The following ATF7IP variants were observed in gnomAD, a reference collection of about 807,000 sequenced individuals.
ATF7IP encodes the protein activating transcription factor 7-interacting protein 1.
A neutral mutation model predicts 106.4 loss-of-function variants in ATF7IP; 23 were observed. The observed-to-expected ratio is 0.22, with a 90% CI of 0.16 to 0.31. The LOEUF is 0.31. ATF7IP is among the 10% of genes least tolerant of loss of function. ATF7IP has a pLI of 1.00. For missense variants in ATF7IP, 1,334 were observed against 1,524.3 expected (o/e 0.88, Z 2.08); for synonymous variants, 542 against 539.0 (o/e 1.01, Z -0.08).
At chr12:14,404,065 A>G (rs1172385365) in intron 1 of ATF7IP, among the ~76,000 whole-genome samples, 2 of 152,106 alleles carry the variant, frequency 1.3e-5, no homozygotes, top group Non-Finnish European at 2.9e-5. Flanking sequence ...TCTGGCTCAT[A>G]AACATTGGTA....
At chr12:14,488,401 C>A (rs370984281) in intron 13 of ATF7IP, among the ~76,000 whole-genome samples, 2 of 152,198 alleles carry the variant, frequency 1.3e-5, no homozygotes, top group African/African-American at 4.8e-5. Flanking sequence ...TAGGAAGCAT[C>A]CAGCACAGGA....
At chr12:14,428,984 A>G (rs1359100278) in intron 2 of ATF7IP, among the ~76,000 whole-genome samples, 1 of 152,208 alleles carries the variant, frequency 6.6e-6, no homozygotes, top group East Asian at 1.9e-4. Context: ...ATAAAGATTT[A>G]TCTCTCTGGG....
intron 6 of ATF7IP, among the ~76,000 whole-genome samples, chr12:14,450,522 A>T (rs1013814938): frequency 2.6e-5 from 4 of 152,172 alleles, no homozygotes; most frequent in Non-Finnish European, 5.9e-5. Flanking sequence ...CAACTTGGTC[A>T]TGGTGTATAA....
chr12:14,484,596 T>C (rs531754402), intron 13 of ATF7IP, among the ~76,000 whole-genome samples: 118 of 152,288 alleles, frequency 7.7e-4, no homozygotes, highest in Non-Finnish European at 1.2e-3. Context: ...CTGTGCACTT[T>C]ACAGTGGTGC....
chr12:14,482,934 C>T (rs1239091307), intron 13 of ATF7IP, among the ~76,000 whole-genome samples: 1 of 152,126 alleles, frequency 6.6e-6, no homozygotes, highest in Non-Finnish European at 1.5e-5. Context: ...GTTAACAATA[C>T]TTAAATGTTG....
rs1014878983 is a variant in ATF7IP, at chr12:14,463,080, G to A, written c.2797+1947G>A. ...TAATTTCAGCAGTGCCATAAATGACGTTAAAGTAGGCATTTGGCTTTTTAG... is the reference window on the plus strand; with the variant it reads ...TAATTTCAGCAGTGCCATAAATGACATTAAAGTAGGCATTTGGCTTTTTAG... On this transcript the variant is annotated intron_variant, in intron 9 of 14. Coordinates refer to ENST00000261168, the MANE Select transcript of ATF7IP (RefSeq NM_018179.5). Among the ~76,000 whole-genome samples, 5 of 151,978 alleles carry A rather than the reference G, an allele frequency of 3.3e-5. No individual in the cohort carries two copies. In the East Asian group the frequency reaches 5.8e-4, roughly 18 times the overall value.
At chr12:14,422,030 C>T (rs958336092) in intron 1 of ATF7IP, among the ~76,000 whole-genome samples, 1 of 151,924 alleles carries the variant, frequency 6.6e-6, no homozygotes. Context: ...ATGTGAGATG[C>T]AACTAAAGCA....
chr12:14,483,008 A>G (rs942220112), intron 13 of ATF7IP, among the ~76,000 whole-genome samples: 1 of 152,230 alleles, frequency 6.6e-6, no homozygotes, highest in Non-Finnish European at 1.5e-5. Context: ...ATTTTCTTGT[A>G]CAAGTGTATA....
chr12:14,406,318 C>G (rs528904381), intron 1 of ATF7IP, among the ~76,000 whole-genome samples: 1 of 151,774 alleles, frequency 6.6e-6, no homozygotes, highest in Non-Finnish European at 1.5e-5. Context: ...AGGCTGGTGT[C>G]GAACTCCCAG....
chr12:14,476,797 T>C (rs766111689), intron 11 of ATF7IP, among the ~76,000 whole-genome samples: 2 of 152,188 alleles, frequency 1.3e-5, no homozygotes, highest in Non-Finnish European at 2.9e-5. Context: ...AGAAGTAATT[T>C]CTAAAAACGT....
At chr12:14,435,822 A>G (rs932558882) in intron 3 of ATF7IP, among the ~76,000 whole-genome samples, 5 of 152,254 alleles carry the variant, frequency 3.3e-5, no homozygotes, top group African/African-American at 7.2e-5. Flanking sequence ...TACCTTCTTC[A>G]TGACACAATT....
chr12:14,397,554 T>G (rs1383017870), intron 1 of ATF7IP, among the ~76,000 whole-genome samples: 4 of 152,164 alleles, frequency 2.6e-5, no homozygotes, highest in Non-Finnish European at 5.9e-5. Flanking sequence ...AATTAACATT[T>G]GTTGATTTTG....
At chr12:14,399,383 C>T (rs984083433) in intron 1 of ATF7IP, among the ~76,000 whole-genome samples, 3 of 151,754 alleles carry the variant, frequency 2.0e-5, no homozygotes, top group Admixed American at 2.0e-4. Flanking sequence ...AAGTCTGATG[C>T]CAGTTTAATT....
At chr12:14,463,324 G>C (rs1362369532) in intron 9 of ATF7IP, among the ~76,000 whole-genome samples, 1 of 151,952 alleles carries the variant, frequency 6.6e-6, no homozygotes, top group East Asian at 1.9e-4. Context: ...ACTATTTTCT[G>C]TTTATAGTGA....
intron 5 of ATF7IP, among the ~76,000 whole-genome samples, chr12:14,439,845 A>ATCCG (rs1362716469): frequency 4.6e-5 from 2 of 43,940 alleles, no homozygotes; most frequent in Non-Finnish European, 1.4e-4. Context: ...AAATAAATCC[A>ATCCG]TCCATCCATC....
intron 13 of ATF7IP, among the ~76,000 whole-genome samples, chr12:14,491,438 T>G (rs888668317): frequency 2.0e-5 from 3 of 152,190 alleles, no homozygotes; most frequent in African/African-American, 7.2e-5. Context: ...TCCCTGAATT[T>G]GGTCAGATTT....
chr12:14,410,074 C>T (rs1007302736), intron 1 of ATF7IP, among the ~76,000 whole-genome samples: 16 of 151,986 alleles, frequency 1.1e-4, no homozygotes, highest in African/African-American at 3.6e-4. Flanking sequence ...AGCAGCCAAC[C>T]GTTATTTCCT....
rs780093462 is a variant in ATF7IP at position 14,460,727 on chromosome 12, T to C, written c.2391T>C (p.Leu797=). Residue 797 remains leucine (L), a synonymous_variant, in exon 9 of 15, where the codon CTT becomes CTC. Transcript: ENST00000261168. ...VPVAVSSQPQ[L]LQSHPGTLVT... The stretch of plus-strand genomic sequence containing the variant: ...TTGCAGTATCCTCCCAGCCTCAGCT[T>C]CTACAGAGCCATCCAGGGACTTTGG... 8 of 1,614,100 alleles carry C rather than the reference T, an allele frequency of 5.0e-6. No homozygotes were observed. In the South Asian group the frequency reaches 8.8e-5, roughly 18 times the overall value.
At chr12:14,393,994 T>G (rs1939710137) in intron 1 of ATF7IP, among the ~76,000 whole-genome samples, 1 of 152,128 alleles carries the variant, frequency 6.6e-6, no homozygotes, top group Non-Finnish European at 1.5e-5. Context: ...TGGGAAGACA[T>G]TCGTAATTTA....
Sources: allele counts gnomAD v4.1 joint callset (sites outside exome capture counted in the v4.1 genomes callset), GRCh38; gene constraint gnomAD v4.1.1; transcripts MANE v1.5; gene names NCBI Gene and HGNC (gene_info 2026-07-23, HGNC 2026-07-21).